The following TPTE variants were observed in gnomAD, a reference collection of about 807,000 sequenced individuals.
TPTE encodes putative tyrosine-protein phosphatase TPTE.
In TPTE, 59 loss-of-function variants were observed where a neutral mutation model predicts 84.1. That is an observed-to-expected ratio of 0.70 (90% CI 0.57 to 0.87). The LOEUF is 0.87. Ranked by LOEUF, TPTE falls within the 40% of genes least tolerant of loss-of-function variation. The probability of loss-of-function intolerance (pLI) is 0.00; values close to 1 mark genes in which losing one functional copy is unlikely to be tolerated. For synonymous variants in TPTE, 130 were observed against 223.5 expected (o/e 0.58, Z 3.73); for missense variants, 382 against 659.6 (o/e 0.58, Z 4.61).
chr21:10,584,047 A>T (rs2075317079), intron 17 of TPTE, among the ~76,000 whole-genome samples: 1 of 152,308 alleles, frequency 6.6e-6, no homozygotes, highest in East Asian at 1.9e-4. Context: ...TTGGAATTGC[A>T]TTGAATTTAT....
chr21:10,526,787 AT>A (rs1207181147), intron 2 of TPTE, among the ~76,000 whole-genome samples: 53 of 152,386 alleles, frequency 3.5e-4, no homozygotes, highest in African/African-American at 1.2e-3. Flanking sequence ...AATATTCAGC[AT>A]GGTTTTATGA....
chr21:10,530,202 A>C (rs1487209597), intron 3 of TPTE, among the ~76,000 whole-genome samples: 3 of 152,308 alleles, frequency 2.0e-5, no homozygotes, highest in Admixed American at 2.0e-4. Context: ...TACCCAAAGA[A>C]CCTCATGCCC....
intron 2 of TPTE, among the ~76,000 whole-genome samples, chr21:10,526,351 T>G (rs1399099746): frequency 6.6e-6 from 1 of 152,304 alleles, no homozygotes; most frequent in Non-Finnish European, 1.5e-5. Flanking sequence ...TGCTTAAAGG[T>G]TGGAGCTATT....
At chr21:10,562,801 A>G (rs999740441) in intron 10 of TPTE, among the ~76,000 whole-genome samples, 1 of 152,306 alleles carries the variant, frequency 6.6e-6, no homozygotes, top group African/African-American at 2.4e-5. Flanking sequence ...TCTAAGTGGT[A>G]TTGGCCTTAA....
intron 7 of TPTE, among the ~76,000 whole-genome samples, chr21:10,547,113 TA>T (rs1379248662): frequency 6.6e-6 from 1 of 152,312 alleles, no homozygotes; most frequent in Non-Finnish European, 1.5e-5. Context: ...CTGGTGACTT[TA>T]AGTTGAAGCC....
At chr21:10,545,215 A>G (rs563678846) in intron 7 of TPTE, among the ~76,000 whole-genome samples, 10 of 151,446 alleles carry the variant, frequency 6.6e-5, no homozygotes, top group Admixed American at 6.5e-4. Context: ...GAGAAAGAAG[A>G]GAGGCATATA....
intron 8 of TPTE, among the ~76,000 whole-genome samples, chr21:10,554,884 T>C (rs2074649991): frequency 6.6e-6 from 1 of 152,304 alleles, no homozygotes; most frequent in Admixed American, 6.5e-5. Flanking sequence ...ATGTCATCCC[T>C]CTGTATTGTC....
rs576069135 is a variant in TPTE, at chr21:10,605,321, C to A, written c.1521-96C>A. ...CTGAGGTTCTATTCATGGTGAGGTT[C>A]TTTTTTTGTTTCTTCCAGCTCTAAC... On this transcript the variant is annotated intron_variant, in intron 23 of 23. Coordinates refer to ENST00000618007, the MANE Select transcript of TPTE (RefSeq NM_199261.4). 1.1e-5 allele frequency: 17 copies of A among 1,478,676 alleles called. No individual in the cohort carries two copies. In the East Asian group the frequency reaches 3.2e-4, roughly 27 times the overall value. The allele number at this position is 1,478,676 out of a possible 1,614,324, so 91.6% of individuals were successfully genotyped here. A position where few individuals can be genotyped will look rare whatever the true frequency, so the allele number is the denominator to read the frequency against.
At chr21:10,537,818 C>G (rs999019765) in intron 3 of TPTE, among the ~76,000 whole-genome samples, 2 of 152,306 alleles carry the variant, frequency 1.3e-5, no homozygotes, top group African/African-American at 2.4e-5. Flanking sequence ...CCCACAGGTA[C>G]AGCAGAGAAA....
intron 21 of TPTE, 105 bp from the exon 22 acceptor site, chr21:10,601,953 A>G: frequency 7.7e-7 from 1 of 1,297,194 alleles, no homozygotes; most frequent in East Asian, 2.3e-5. Flanking sequence ...GGGCTGTGAG[A>G]CCAAAAGTAC....
At chr21:10,554,671 T>C (rs1156352589) in intron 8 of TPTE, among the ~76,000 whole-genome samples, 2 of 152,306 alleles carry the variant, frequency 1.3e-5, no homozygotes, top group African/African-American at 4.8e-5. Flanking sequence ...GTATCTGTAC[T>C]TTTCTTTGTG....
At chr21:10,536,132 G>A in intron 3 of TPTE, among the ~76,000 whole-genome samples, 1 of 152,308 alleles carries the variant, frequency 6.6e-6, no homozygotes. Context: ...ACAAAAATTA[G>A]CCAGGTGTGG....
intron 3 of TPTE, among the ~76,000 whole-genome samples, chr21:10,528,465 T>C (rs2074119839): frequency 6.6e-6 from 1 of 152,304 alleles, no homozygotes; most frequent in Non-Finnish European, 1.5e-5. Context: ...ATATTTACCA[T>C]ATCTTTTAGA....
chr21:10,595,085 C>G (rs2075556203), intron 19 of TPTE, among the ~76,000 whole-genome samples: 1 of 152,312 alleles, frequency 6.6e-6, no homozygotes, highest in Non-Finnish European at 1.5e-5. Flanking sequence ...CTCTGTCGCC[C>G]AGACTAGAGT....
intron 20 of TPTE, 58 bp from the exon 21 acceptor site, chr21:10,597,957 G>T (rs2075619526): frequency 2.5e-6 from 4 of 1,590,690 alleles, no homozygotes; most frequent in Non-Finnish European, 3.4e-6. Context: ...TAATTGGTGA[G>T]ACATATTGAT....
At chr21:10,605,285 C>CA (rs1979140327) in intron 23 of TPTE, 132 bp from the exon 24 acceptor site, 11 of 1,284,308 alleles carry the variant, frequency 8.6e-6, no homozygotes, top group Non-Finnish European at 9.4e-6. Flanking sequence ...AACTGAGACA[C>CA]AAAAAAAGGG....
intron 10 of TPTE, among the ~76,000 whole-genome samples, chr21:10,563,180 G>A (rs541189441): frequency 3.0e-4 from 45 of 152,416 alleles, no homozygotes; most frequent in African/African-American, 9.9e-4. Flanking sequence ...CAAAGTGAAG[G>A]GGAAATAAAG....
chr21:10,537,653 G>A (rs1304632720), intron 3 of TPTE, among the ~76,000 whole-genome samples: 488 of 151,584 alleles, frequency 3.2e-3, no homozygotes, highest in African/African-American at 0.011. Context: ...ACTCCAGCCT[G>A]GGCAACAGAG....
chr21:10,527,038 T>C (rs963480815), intron 2 of TPTE, among the ~76,000 whole-genome samples: 2 of 152,310 alleles, frequency 1.3e-5, no homozygotes, highest in Non-Finnish European at 2.9e-5. Flanking sequence ...GCTTGACTTA[T>C]CTACTTGTTT....
Sources: allele counts gnomAD v4.1 joint callset (sites outside exome capture counted in the v4.1 genomes callset), GRCh38; gene constraint gnomAD v4.1.1; transcripts MANE v1.5; gene names NCBI Gene and HGNC (gene_info 2026-07-23, HGNC 2026-07-21).